CDON: variants seen among roughly 807,000 people sequenced by gnomAD.
CDON encodes the protein cell adhesion molecule-related/down-regulated by oncogenes.
A neutral mutation model predicts 120.9 loss-of-function variants in CDON; 73 were observed. That is an observed-to-expected ratio of 0.60 (90% CI 0.50 to 0.73). The LOEUF (loss-of-function observed/expected upper bound fraction) is 0.73, where lower values mean the gene tolerates loss of function less well. Ranked by LOEUF, CDON falls within the 30% of genes least tolerant of loss-of-function variation. CDON has a pLI of 0.00. For missense variants in CDON, 1,470 were observed against 1,587.3 expected, an observed-to-expected ratio of 0.93 and a Z score of 1.26; for synonymous variants, 566 against 573.5, an observed-to-expected ratio of 0.99 and a Z score of 0.19.
intron 7 of CDON, chr11:126,014,985 T>C (rs1947418047): frequency 4.0e-6 from 2 of 495,214 alleles, no homozygotes; most frequent in African/African-American, 3.9e-5. Context: ...AGAGAGAGAT[T>C]GTACCATATA....
At position 125,967,402 on chromosome 11, in the gene CDON, G is replaced by C. The variant is rs1423971208; in HGVS notation, c.3357-5404C>G. Among the ~76,000 whole-genome samples the C allele has an allele frequency of 3.3e-5, 5 of 152,192 alleles. No homozygotes were observed. The South Asian group carries it at 1.0e-3, about 32-fold the overall frequency. ...TTTAATGATAGTTATTTCTGTCCTA[G>C]TTCAATATTGATTCTGTGATCTGTA... is the stretch of plus-strand genomic sequence containing the variant. On this transcript the variant is annotated intron_variant, in intron 18 of 19. Transcript: ENST00000531738.
intron 1 of CDON, among the ~76,000 whole-genome samples, chr11:126,053,022 T>G (rs1465115619): frequency 6.6e-6 from 1 of 152,106 alleles, no homozygotes; most frequent in African/African-American, 2.4e-5. Context: ...TGTCCTGGAA[T>G]GGATCCCCCA....
At chr11:126,018,046 T>C (rs1947521038) in intron 5 of CDON, among the ~76,000 whole-genome samples, 2 of 152,050 alleles carry the variant, frequency 1.3e-5, no homozygotes, top group African/African-American at 4.8e-5. Context: ...ACTACAGGCA[T>C]GTGCTGCCAC....
At chr11:125,983,358 A>T (rs576879248) in intron 16 of CDON, among the ~76,000 whole-genome samples, 58 of 152,336 alleles carry the variant, frequency 3.8e-4, no homozygotes, top group African/African-American at 1.3e-3. Flanking sequence ...GACACACTCC[A>T]GGGAGAGGAC....
rs1010443649 is a variant in CDON at position 125,959,948 on chromosome 11, T to A, written c.*994A>T. On this transcript the variant is annotated 3_prime_UTR_variant, in exon 20 of 20. Transcript: ENST00000531738. ...AATGTAATTTTAAAGCAGTGGGACATGAGGCATTATTTGTCTCTCTGGCCT... is the reference window on the plus strand; with the variant it reads ...AATGTAATTTTAAAGCAGTGGGACAAGAGGCATTATTTGTCTCTCTGGCCT... The A allele has an allele frequency of 4.6e-5, 7 of 152,230 alleles. No individual in the cohort carries two copies. Among genetic ancestry groups the A allele is most frequent in the Non-Finnish European group, 7.3e-5 (5 of 68,040 alleles). The allele number at this position is 152,230 out of a possible 1,614,324, so 9.4% of individuals were successfully genotyped here.
chr11:125,994,880 T>C lies in CDON; in HGVS notation c.2535A>G (p.Leu845=), dbSNP rs149843751. ...GAAGATGTGTACTGACCGTCCACTT[T>C]AGCATGATCTGAGTATCGCTGACAG... ...TEAVSDTQIM[L]KWTYIPSSNN... Residue 845 remains leucine, a synonymous_variant, in exon 13 of 20, where the codon CTA becomes CTG. Transcript: ENST00000531738. 8.0e-5 allele frequency: 129 copies of C among 1,613,846 alleles called. No homozygotes were observed. In the African/African-American group the frequency reaches 1.4e-3, roughly 18 times the overall value.
chr11:126,020,656 A>G (rs1346523192), intron 3 of CDON, among the ~76,000 whole-genome samples: 8 of 152,150 alleles, frequency 5.3e-5, no homozygotes. Flanking sequence ...GGAAGCCATC[A>G]CCGTTTGAAA....
chr11:125,984,148 A>G, intron 15 of CDON, 55 bp from the exon 16 acceptor site: 1 of 1,262,952 alleles, frequency 7.9e-7, no homozygotes, highest in Non-Finnish European at 1.2e-6. Flanking sequence ...ACTCCATGAA[A>G]TGGTTTACTC....
At chr11:126,005,210 G>A (rs1220343248) in intron 9 of CDON, among the ~76,000 whole-genome samples, 1 of 151,740 alleles carries the variant, frequency 6.6e-6, no homozygotes, top group Non-Finnish European at 1.5e-5. Context: ...GCTAAGGCAC[G>A]AGAACTGCTG....
intron 15 of CDON, among the ~76,000 whole-genome samples, chr11:125,985,328 C>G (rs1055504764): frequency 6.6e-6 from 1 of 152,194 alleles, no homozygotes; most frequent in African/African-American, 2.4e-5. Flanking sequence ...CATGTGCCCC[C>G]ACGCACGGAT....
chr11:125,996,098 A>G (rs575853830), intron 12 of CDON, among the ~76,000 whole-genome samples: 1 of 152,052 alleles, frequency 6.6e-6, no homozygotes, highest in South Asian at 2.1e-4. Flanking sequence ...GCTGAAATTC[A>G]GCATCAGATC....
Position 126,036,925 on chromosome 11 carries a change from C to T in CDON, c.-61-13388G>A, listed in dbSNP as rs528080688. On this transcript the variant is annotated intron_variant, in intron 1 of 19. Transcript: ENST00000531738. ...CTGGTCTCAAACTCCTGGCCTCAAT[C>T]GATCTGCCTGCCTCAGCCGCCCAAA... Among the ~76,000 whole-genome samples, 149 of 152,294 alleles carry T rather than the reference C, an allele frequency of 9.8e-4. No individual in the cohort carries two copies. The Middle Eastern group carries it at 0.034, about 35-fold the overall frequency.
intron 1 of CDON, among the ~76,000 whole-genome samples, chr11:126,059,634 G>A (rs1349253697): frequency 6.6e-6 from 1 of 152,034 alleles, no homozygotes; most frequent in African/African-American, 2.4e-5. Context: ...CGGGGATCAA[G>A]AGATCTCATA....
chr11:125,982,622 C>G (rs1946346387), intron 16 of CDON, among the ~76,000 whole-genome samples: 1 of 152,126 alleles, frequency 6.6e-6, no homozygotes, highest in African/African-American at 2.4e-5. Context: ...CAGAACAGTG[C>G]CTGGTATACA....
intron 4 of CDON, 66 bp from the exon 5 acceptor site, chr11:126,018,539 C>T (rs1376056097): frequency 3.0e-6 from 4 of 1,327,986 alleles, no homozygotes; most frequent in Non-Finnish European, 4.3e-6. Flanking sequence ...ACAACTAAAA[C>T]TCACAAAGGC....
chr11:126,012,390 G>C (rs569125442), intron 7 of CDON, among the ~76,000 whole-genome samples: 1 of 151,992 alleles, frequency 6.6e-6, no homozygotes, highest in South Asian at 2.1e-4. Context: ...TTGCTGGTAT[G>C]CAGAAAGGCA....
chr11:126,014,928 C>G lies in CDON; in HGVS notation c.1198+313G>C. The G allele has an allele frequency of 4.8e-5, 16 of 333,614 alleles. No individual in the cohort carries two copies. The South Asian group carries it at 5.8e-4, about 12-fold the overall frequency. 20.7% of individuals were successfully genotyped at this position (333,614 alleles called of 1,614,324 possible). A position where few individuals can be genotyped will look rare whatever the true frequency, so the allele number is the denominator to read the frequency against. On this transcript the variant is annotated intron_variant, in intron 7 of 19. Transcript: ENST00000531738. ...AAGGCTGCTCAAGAAACTGATAAAA[C>G]TAATTATTTCTAAAGAGAGGAACTG...
At chr11:126,041,733 CTTT>C (rs1317286286) in intron 1 of CDON, among the ~76,000 whole-genome samples, 1 of 152,206 alleles carries the variant, frequency 6.6e-6, no homozygotes, top group Non-Finnish European at 1.5e-5. Flanking sequence ...CTTGCCAACA[CTTT>C]TTAAGTCTTA....
At chr11:126,057,303 G>A (rs115806041) in intron 1 of CDON, among the ~76,000 whole-genome samples, 177 of 152,130 alleles carry the variant, frequency 1.2e-3, no homozygotes, top group African/African-American at 4.1e-3. Flanking sequence ...ATTTCAAACC[G>A]CACAAAAGAC....
Sources: gnomAD v4.1 joint callset for allele counts (sites outside exome capture counted in the v4.1 genomes callset) on GRCh38, gnomAD v4.1.1 for gene constraint, MANE v1.5 for transcripts, NCBI Gene and HGNC (gene_info 2026-07-23, HGNC 2026-07-21) for gene names.